The following PTPRD variants were observed in gnomAD, a reference collection of about 807,000 sequenced individuals.
The protein encoded by PTPRD is protein tyrosine phosphatase receptor type D.
Under a neutral mutation model 214.5 loss-of-function variants are expected in PTPRD, and 34 were observed. That is an observed-to-expected ratio of 0.16 (90% CI 0.12 to 0.21). PTPRD has a LOEUF of 0.21. Ranked by LOEUF, PTPRD falls within the 10% of genes least tolerant of loss-of-function variation. The pLI is 1.00. For missense variants in PTPRD, 2,545 were observed against 2,398.7 expected, an observed-to-expected ratio of 1.06 and a Z score of -1.27; for synonymous variants, 1,128 against 845.7, an observed-to-expected ratio of 1.33 and a Z score of -5.79.
intron 11 of PTPRD, among the ~76,000 whole-genome samples, chr9:8,754,382 T>A (rs1047589567): frequency 6.6e-6 from 1 of 152,146 alleles, no homozygotes; most frequent in African/African-American, 2.4e-5. Flanking sequence ...GAAATTAAGA[T>A]GGTGAAGTGT....
chr9:9,216,551 G>T (rs145579514), intron 9 of PTPRD, among the ~76,000 whole-genome samples: 30 of 152,114 alleles, frequency 2.0e-4, no homozygotes, highest in Non-Finnish European at 4.4e-4. Context: ...CATCTTCCAG[G>T]TTCAGAGTGA....
At chr9:9,464,978 G>A (rs1189408002) in intron 8 of PTPRD, among the ~76,000 whole-genome samples, 1 of 152,162 alleles carries the variant, frequency 6.6e-6, no homozygotes, top group Non-Finnish European at 1.5e-5. Flanking sequence ...GGGTTGTAAA[G>A]TACAGAATAA....
chr9:10,095,907 G>C (rs895023716), intron 3 of PTPRD, among the ~76,000 whole-genome samples: 2 of 151,524 alleles, frequency 1.3e-5, no homozygotes, highest in African/African-American at 2.4e-5. Flanking sequence ...CTATTAAAAA[G>C]TCAGTGGTTC....
At chr9:10,477,560 G>A (rs1308633222) in intron 2 of PTPRD, among the ~76,000 whole-genome samples, 3 of 152,142 alleles carry the variant, frequency 2.0e-5, no homozygotes, top group Non-Finnish European at 4.4e-5. Flanking sequence ...GACCATTGTG[G>A]AAGACAGTGT....
intron 10 of PTPRD, among the ~76,000 whole-genome samples, chr9:9,147,693 A>G (rs1009421301): frequency 2.0e-5 from 3 of 152,162 alleles, no homozygotes; most frequent in African/African-American, 4.8e-5. Flanking sequence ...CACAGAGACC[A>G]TATGTCCCAC....
chr9:8,496,221 C>A (rs931449664), intron 26 of PTPRD, among the ~76,000 whole-genome samples: 16 of 151,014 alleles, frequency 1.1e-4, no homozygotes, highest in Non-Finnish European at 1.8e-4. Context: ...AACACACACA[C>A]ACACACACAC....
intron 3 of PTPRD, among the ~76,000 whole-genome samples, chr9:10,054,078 A>G (rs2097580192): frequency 6.6e-6 from 1 of 152,072 alleles, no homozygotes; most frequent in South Asian, 2.1e-4. Flanking sequence ...CTTTGATTCA[A>G]ATATTTTCTT....
chr9:8,381,311 T>C (rs752301276), intron 37 of PTPRD, among the ~76,000 whole-genome samples: 1 of 152,208 alleles, frequency 6.6e-6, no homozygotes, highest in Non-Finnish European at 1.5e-5. Flanking sequence ...ATAAATTTCA[T>C]TAATTTTAGT....
At chr9:9,543,015 A>G (rs1215034761) in intron 8 of PTPRD, among the ~76,000 whole-genome samples, 1 of 151,686 alleles carries the variant, frequency 6.6e-6, no homozygotes, top group East Asian at 1.9e-4. Context: ...ATGTCCACAA[A>G]AATCTTGTGT....
chr9:9,987,748 T>A (rs933262524), intron 4 of PTPRD, among the ~76,000 whole-genome samples: 10 of 152,232 alleles, frequency 6.6e-5, no homozygotes, highest in African/African-American at 2.4e-4. Context: ...TAGTATTTAA[T>A]TGTTCATACT....
At chr9:9,443,663 C>T (rs1010070323) in intron 8 of PTPRD, among the ~76,000 whole-genome samples, 1 of 152,064 alleles carries the variant, frequency 6.6e-6, no homozygotes, top group African/African-American at 2.4e-5. Flanking sequence ...TCAGCTGACC[C>T]AGCCCTCTAG....
chr9:8,449,091 A>G (rs1300626605), intron 34 of PTPRD, among the ~76,000 whole-genome samples: 1 of 152,212 alleles, frequency 6.6e-6, no homozygotes, highest in African/African-American at 2.4e-5. Context: ...TAGGAATAGT[A>G]GTGTTCCTCT....
intron 4 of PTPRD, among the ~76,000 whole-genome samples, chr9:9,983,895 T>C (rs997847622): frequency 2.6e-5 from 4 of 152,162 alleles, no homozygotes; most frequent in Admixed American, 2.0e-4. Flanking sequence ...CATTAATTTA[T>C]AGTATCATTC....
chr9:8,331,812 A>ACAATCATTTT (rs1841468497), intron 43 of PTPRD, 76 bp from the exon 44 acceptor site: 1 of 1,466,316 alleles, frequency 6.8e-7, no homozygotes. Flanking sequence ...GACCACAAGA[A>ACAATCATTTT]CAATCATTTT....
At chr9:10,597,832 T>C (rs1329729239) in intron 2 of PTPRD, among the ~76,000 whole-genome samples, 2 of 151,864 alleles carry the variant, frequency 1.3e-5, no homozygotes, top group African/African-American at 4.8e-5. Flanking sequence ...TGAATAATTC[T>C]ATAGTTTATA....
intron 11 of PTPRD, among the ~76,000 whole-genome samples, chr9:8,822,452 A>G (rs549019460): frequency 5.9e-5 from 9 of 152,344 alleles, no homozygotes; most frequent in African/African-American, 2.2e-4. Flanking sequence ...GGCGCTCACT[A>G]CAATTTGGAA....
chr9:9,019,313 A>AAAGAAAGAAAGAAAGG (rs1569428860), intron 10 of PTPRD, among the ~76,000 whole-genome samples: 132 of 106,438 alleles, frequency 1.2e-3, no homozygotes, highest in Non-Finnish European at 1.9e-3. Context: ...AGAAAGAAAG[A>AAAGAAAGAAAGAAAGG]AAGAAAGAAA....
At chr9:9,634,004 T>C (rs1250755720) in intron 7 of PTPRD, among the ~76,000 whole-genome samples, 2 of 152,180 alleles carry the variant, frequency 1.3e-5, no homozygotes, top group African/African-American at 2.4e-5. Context: ...GTTATCTGAA[T>C]ATAAATCTTT....
At chr9:10,209,874 T>C (rs1300415849) in intron 3 of PTPRD, among the ~76,000 whole-genome samples, 2 of 152,264 alleles carry the variant, frequency 1.3e-5, no homozygotes, top group East Asian at 3.9e-4. Flanking sequence ...ATGAGAACAT[T>C]AAAGGCCAGA....
Sources: gnomAD v4.1 joint callset for allele counts (sites outside exome capture counted in the v4.1 genomes callset) on GRCh38, gnomAD v4.1.1 for gene constraint, MANE v1.5 for transcripts, NCBI Gene and HGNC (gene_info 2026-07-23, HGNC 2026-07-21) for gene names.